Variants in DPP10 observed in about 807,000 individuals in gnomAD.
The protein encoded by DPP10 is dipeptidyl peptidase like 10, also known as inactive dipeptidyl peptidase 10.
A neutral mutation model predicts 120.9 loss-of-function variants in DPP10; 33 were observed. The ratio of observed to expected loss-of-function variants is 0.27; its 90% CI spans 0.21 to 0.37. The LOEUF (loss-of-function observed/expected upper bound fraction) is 0.37, where lower values mean the gene tolerates loss of function less well. Among genes scored for constraint, DPP10 ranks in the 10% least tolerant of loss-of-function variants. DPP10 has a pLI of 1.00. For missense variants in DPP10, 816 were observed against 942.8 expected, an observed-to-expected ratio of 0.87 and a Z score of 1.76; for synonymous variants, 337 against 326.1, an observed-to-expected ratio of 1.03 and a Z score of -0.36.
At chr2:114,682,776 C>A (rs891645965) in intron 1 of DPP10, among the ~76,000 whole-genome samples, 3 of 104,064 alleles carry the variant, frequency 2.9e-5, no homozygotes, top group Non-Finnish European at 5.6e-5. Context: ...GTCTGTCTAT[C>A]TATCTATCTA....
At chr2:114,700,900 G>A (rs1700347957) in intron 1 of DPP10, among the ~76,000 whole-genome samples, 2 of 152,052 alleles carry the variant, frequency 1.3e-5, no homozygotes, top group South Asian at 4.1e-4. Context: ...CTTTTGGTGA[G>A]CTGTGCTGGC....
At chr2:115,035,422 T>C (rs1704160554) in intron 1 of DPP10, among the ~76,000 whole-genome samples, 1 of 152,210 alleles carries the variant, frequency 6.6e-6, no homozygotes, top group Non-Finnish European at 1.5e-5. Context: ...TATTGTCCAG[T>C]AATTATGTAA....
intron 4 of DPP10, among the ~76,000 whole-genome samples, chr2:115,519,502 T>C (rs1028926391): frequency 6.6e-6 from 1 of 152,036 alleles, no homozygotes; most frequent in Non-Finnish European, 1.5e-5. Flanking sequence ...TTAAGCATGA[T>C]CATAATTAAT....
At chr2:114,729,215 A>G (rs887426773) in intron 1 of DPP10, among the ~76,000 whole-genome samples, 1 of 152,254 alleles carries the variant, frequency 6.6e-6, no homozygotes, top group Non-Finnish European at 1.5e-5. Context: ...CAAAAGCAAA[A>G]CTTTTAATAC....
intron 1 of DPP10, among the ~76,000 whole-genome samples, chr2:115,060,966 T>C (rs1706355341): frequency 6.6e-6 from 1 of 152,200 alleles, no homozygotes; most frequent in Non-Finnish European, 1.5e-5. Context: ...GGGTCAATGT[T>C]TCTTGCTGAA....
intron 1 of DPP10, among the ~76,000 whole-genome samples, chr2:115,058,031 G>A (rs1018785839): frequency 2.0e-5 from 3 of 152,152 alleles, no homozygotes; most frequent in East Asian, 1.9e-4. Context: ...TGCTGCGTTC[G>A]CACTGGGGCA....
At chr2:115,122,935 T>A (rs754437360) in intron 1 of DPP10, among the ~76,000 whole-genome samples, 1 of 152,100 alleles carries the variant, frequency 6.6e-6, no homozygotes, top group Non-Finnish European at 1.5e-5. Flanking sequence ...CCAAGAGGAA[T>A]CATTCTGGGC....
chr2:115,324,735 G>T (rs753302509), intron 2 of DPP10, among the ~76,000 whole-genome samples: 1 of 152,174 alleles, frequency 6.6e-6, no homozygotes, highest in Non-Finnish European at 1.5e-5. Context: ...GTGGCTAACT[G>T]TTGGGAGCAA....
At chr2:115,563,873 G>A (rs1358834551) in intron 5 of DPP10, among the ~76,000 whole-genome samples, 1 of 152,154 alleles carries the variant, frequency 6.6e-6, no homozygotes, top group Non-Finnish European at 1.5e-5. Context: ...ATTCAGCTAA[G>A]AAATTATAGA....
chr2:115,633,383 A>G (rs2086052128), intron 5 of DPP10, among the ~76,000 whole-genome samples: 1 of 152,168 alleles, frequency 6.6e-6, no homozygotes, highest in South Asian at 2.1e-4. Flanking sequence ...TTGAACAATG[A>G]GAACACTTGG....
At chr2:114,758,697 CTAAAT>C (rs1558711228) in intron 1 of DPP10, among the ~76,000 whole-genome samples, 1 of 151,908 alleles carries the variant, frequency 6.6e-6, no homozygotes, top group African/African-American at 2.4e-5. Context: ...AAAAAAAAGG[CTAAAT>C]TAGAGATGTC....
Position 115,187,605 on chromosome 2 carries a change from A to G in DPP10, c.61-121634A>G, listed in dbSNP as rs934378746. 3.3e-5 allele frequency among the ~76,000 whole-genome samples: 5 copies of G among 152,208 alleles called. No homozygotes were observed. In the East Asian group the frequency reaches 7.7e-4, roughly 23 times the overall value. ...GACACCTAGGAAGTTTGGGAGTTCAATAACAAGGGAAGAACTTCCAGAGAG... is the reference window on the plus strand; with the variant it reads ...GACACCTAGGAAGTTTGGGAGTTCAGTAACAAGGGAAGAACTTCCAGAGAG... On this transcript the variant is annotated intron_variant, in intron 1 of 25. Transcript: ENST00000410059.
chr2:115,119,052 G>T (rs1357420592), intron 1 of DPP10, among the ~76,000 whole-genome samples: 3 of 152,120 alleles, frequency 2.0e-5, no homozygotes, highest in African/African-American at 7.2e-5. Flanking sequence ...CTTGACTTGA[G>T]GTTTCATACA....
intron 1 of DPP10, among the ~76,000 whole-genome samples, chr2:115,210,671 C>T (rs921118978): frequency 4.6e-5 from 7 of 152,166 alleles, no homozygotes; most frequent in Non-Finnish European, 1.5e-5. Flanking sequence ...CATATCCCCT[C>T]CAGCACCTGT....
intron 1 of DPP10, among the ~76,000 whole-genome samples, chr2:115,002,671 A>T (rs1263984909): frequency 6.6e-6 from 1 of 152,220 alleles, no homozygotes; most frequent in Non-Finnish European, 1.5e-5. Context: ...TGTACAAGAA[A>T]AAAATAACCC....
intron 4 of DPP10, among the ~76,000 whole-genome samples, chr2:115,513,587 A>C (rs2077347097): frequency 6.6e-6 from 1 of 151,862 alleles, no homozygotes; most frequent in Admixed American, 6.6e-5. Flanking sequence ...CTAGCATCTT[A>C]ATTTAGAAAA....
chr2:115,127,485 C>T (rs1052845969), intron 1 of DPP10, among the ~76,000 whole-genome samples: 2 of 152,110 alleles, frequency 1.3e-5, no homozygotes, highest in South Asian at 2.1e-4. Context: ...AACCTAGAGT[C>T]AGATGGCATT....
At chr2:115,579,693 T>A (rs1176027354) in intron 5 of DPP10, 1 of 152,254 alleles carries the variant, frequency 6.6e-6, no homozygotes, top group African/African-American at 2.4e-5. Flanking sequence ...GACCTTCATA[T>A]ACATTTCACT....
intron 1 of DPP10, among the ~76,000 whole-genome samples, chr2:114,487,342 T>A (rs1681601037): frequency 1.3e-5 from 2 of 152,220 alleles, no homozygotes; most frequent in Non-Finnish European, 2.9e-5. Context: ...AGAATCCTCA[T>A]GTTGCTCTTT....
Sources: allele counts gnomAD v4.1 joint callset (sites outside exome capture counted in the v4.1 genomes callset), GRCh38; gene constraint gnomAD v4.1.1; transcripts MANE v1.5; gene names NCBI Gene and HGNC (gene_info 2026-07-23, HGNC 2026-07-21).